Variants in ALK observed in about 807,000 individuals in gnomAD.
ALK encodes ALK tyrosine kinase receptor.
In ALK, 74 loss-of-function variants were observed where a neutral mutation model predicts 163.1. That is an observed-to-expected ratio of 0.45 (90% CI 0.38 to 0.55). The LOEUF is 0.55. Among genes scored for constraint, ALK ranks in the 20% least tolerant of loss-of-function variants. The pLI, the probability that ALK is intolerant of heterozygous loss-of-function variation, is 0.00. For synonymous variants in ALK, 960 were observed against 843.2 expected (o/e 1.14, Z -2.40); for missense variants, 2,063 against 2,105.3 (o/e 0.98, Z 0.39).
intron 1 of ALK, among the ~76,000 whole-genome samples, chr2:29,857,454 C>T (rs1666171409): frequency 6.6e-6 from 1 of 152,134 alleles, no homozygotes; most frequent in Admixed American, 6.5e-5. Flanking sequence ...TTGACTGTGG[C>T]ATATAATAGT....
intron 3 of ALK, among the ~76,000 whole-genome samples, chr2:29,619,473 G>A (rs2148227873): frequency 6.6e-6 from 1 of 152,242 alleles, no homozygotes; most frequent in Admixed American, 6.5e-5. Flanking sequence ...CCCCTTTTCT[G>A]TGGGTGCCAG....
At chr2:29,270,184 TAA>T (rs2148211741) in intron 11 of ALK, among the ~76,000 whole-genome samples, 1 of 152,372 alleles carries the variant, frequency 6.6e-6, no homozygotes, top group South Asian at 2.1e-4. Flanking sequence ...ATGGGATTCC[TAA>T]AAGATTTCTT....
Position 29,674,771 on chromosome 2 carries a change from T to C in ALK, c.952+20079A>G, listed in dbSNP as rs1677821932. 2.7e-5 allele frequency among the ~76,000 whole-genome samples: 4 copies of C among 148,976 alleles called. No individual in the cohort carries two copies. In the Admixed American group the frequency reaches 2.7e-4, roughly 10 times the overall value. On this transcript the variant is annotated intron_variant, in intron 3 of 28. Transcript: ENST00000389048. ...AATGGTACCAGTTCCTCCTTGTACC[T>C]CTGGTAGAATTCGGCTGTGAATCCA... is the stretch of plus-strand genomic sequence containing the variant.
At chr2:29,546,416 T>C (rs891837121) in intron 3 of ALK, among the ~76,000 whole-genome samples, 13 of 152,116 alleles carry the variant, frequency 8.5e-5, no homozygotes, top group South Asian at 6.2e-4. Context: ...TCAAGGAAAA[T>C]AGAAAAGCAC....
At chr2:29,351,547 C>T (rs1268756448) in intron 5 of ALK, among the ~76,000 whole-genome samples, 6 of 152,176 alleles carry the variant, frequency 3.9e-5, no homozygotes, top group South Asian at 2.1e-4. Flanking sequence ...GATCGAGCCA[C>T]GGGCAACCAA....
intron 3 of ALK, among the ~76,000 whole-genome samples, chr2:29,677,611 C>T (rs1441414911): frequency 6.6e-6 from 1 of 152,016 alleles, no homozygotes; most frequent in Non-Finnish European, 1.5e-5. Context: ...TTAAACCAAC[C>T]TTGCAATCCT....
intron 3 of ALK, among the ~76,000 whole-genome samples, chr2:29,627,054 C>A (rs1676213005): frequency 6.6e-6 from 1 of 152,158 alleles, no homozygotes; most frequent in Non-Finnish European, 1.5e-5. Flanking sequence ...GAGAAAGATG[C>A]CAGTGTTAGG....
intron 1 of ALK, among the ~76,000 whole-genome samples, chr2:29,833,167 C>T (rs767014826): frequency 6.6e-6 from 1 of 152,198 alleles, no homozygotes; most frequent in Admixed American, 6.5e-5. Context: ...GAGCATCAGG[C>T]CCTTCTTCTC....
At chr2:29,663,290 C>T (rs1270334127) in intron 3 of ALK, among the ~76,000 whole-genome samples, 1 of 152,156 alleles carries the variant, frequency 6.6e-6, no homozygotes, top group East Asian at 1.9e-4. Flanking sequence ...GTCTTCATTA[C>T]ACAGACCCAA....
chr2:29,466,273 C>T (rs1671210697), intron 4 of ALK, among the ~76,000 whole-genome samples: 1 of 152,118 alleles, frequency 6.6e-6, no homozygotes, highest in Non-Finnish European at 1.5e-5. Flanking sequence ...TCTGTGTTGA[C>T]ATCTTAGTTC....
chr2:29,195,168 CTG>C (rs1166039780), intron 28 of ALK, among the ~76,000 whole-genome samples: 6 of 152,158 alleles, frequency 3.9e-5, no homozygotes, highest in African/African-American at 1.4e-4. Flanking sequence ...TTGTGTAAAA[CTG>C]CCTTTTAAGA....
chr2:29,308,532 T>C (rs1042411833), intron 8 of ALK, among the ~76,000 whole-genome samples: 30 of 152,250 alleles, frequency 2.0e-4, no homozygotes, highest in Admixed American at 4.6e-4. Flanking sequence ...GCCTGTACTC[T>C]AGGCTTTGTG....
At chr2:29,664,920 T>C (rs760646167) in intron 3 of ALK, among the ~76,000 whole-genome samples, 3 of 152,118 alleles carry the variant, frequency 2.0e-5, no homozygotes, top group South Asian at 2.1e-4. Context: ...TCTGGCTACA[T>C]TGCCCTTTCA....
chr2:29,544,726 T>C (rs894908131), intron 3 of ALK, among the ~76,000 whole-genome samples: 34 of 152,064 alleles, frequency 2.2e-4, no homozygotes, highest in Non-Finnish European at 4.7e-4. Flanking sequence ...CAGCTCCTTC[T>C]GGCAGAATCA....
chr2:29,803,126 G>A (rs553375523), intron 1 of ALK, among the ~76,000 whole-genome samples: 4 of 152,252 alleles, frequency 2.6e-5, no homozygotes, highest in African/African-American at 9.6e-5. Context: ...AGCAACCTCA[G>A]GGAGTTACTC....
intron 3 of ALK, among the ~76,000 whole-genome samples, chr2:29,649,847 T>C (rs1396594057): frequency 6.6e-6 from 1 of 152,164 alleles, no homozygotes; most frequent in Admixed American, 6.6e-5. Context: ...TGGCCCCCCA[T>C]GGCCTGCTTT....
At chr2:29,791,781 T>C (rs1214929709) in intron 1 of ALK, among the ~76,000 whole-genome samples, 1 of 152,172 alleles carries the variant, frequency 6.6e-6, no homozygotes, top group Non-Finnish European at 1.5e-5. Flanking sequence ...TTTCAACTAG[T>C]TTATATGGTT....
chr2:29,836,719 C>G (rs887265608), intron 1 of ALK, among the ~76,000 whole-genome samples: 2 of 152,142 alleles, frequency 1.3e-5, no homozygotes, highest in African/African-American at 4.8e-5. Flanking sequence ...CAATTTAGCT[C>G]CAAAATCTAT....
chr2:29,542,215 T>A (rs1476753043), intron 3 of ALK, among the ~76,000 whole-genome samples: 1 of 152,170 alleles, frequency 6.6e-6, no homozygotes, highest in Admixed American at 6.5e-5. Flanking sequence ...TTTGTTTTGT[T>A]TTTTTTCAGT....
Sources: allele counts gnomAD v4.1 joint callset (sites outside exome capture counted in the v4.1 genomes callset), GRCh38; gene constraint gnomAD v4.1.1; transcripts MANE v1.5; gene names NCBI Gene and HGNC (gene_info 2026-07-23, HGNC 2026-07-21).